Variants in TP53I11 observed in about 807,000 individuals in gnomAD.
TP53I11 encodes tumor protein p53 inducible protein 11.
TP53I11 carries 9 observed loss-of-function variants against 23.3 expected under a neutral mutation model. The observed-to-expected ratio is 0.39, with a 90% CI of 0.23 to 0.67. The LOEUF (loss-of-function observed/expected upper bound fraction) is 0.67. Ranked by LOEUF, TP53I11 falls within the 30% of genes least tolerant of loss-of-function variation. The pLI is 0.48. For synonymous variants in TP53I11, 100 were observed against 106.1 expected, an observed-to-expected ratio of 0.94 and a Z score of 0.35; for missense variants, 170 against 255.2, an observed-to-expected ratio of 0.67 and a Z score of 2.27.
chr11:44,935,988 G>A, intron 5 of TP53I11: 1 of 424,196 alleles, frequency 2.4e-6, no homozygotes. Flanking sequence ...GTCCGGTTCT[G>A]TCAGGAGGAT....
Position 44,934,749 on chromosome 11 carries a change from C to G in TP53I11, c.*135G>C. The G allele has an allele frequency of 7.8e-7, 1 of 1,285,808 alleles. No homozygotes were observed. The allele number at this position is 1,285,808 out of a possible 1,614,324, so 79.6% of individuals were successfully genotyped here. The stretch of plus-strand genomic sequence containing the variant: ...GGGTGCCCAGGAGGAAAGGAAGGCC[C>G]CCCACCCCCTGCCTCCCTGGGGCAG... On this transcript the variant is annotated 3_prime_UTR_variant, in exon 7 of 7. Transcript: ENST00000525680.
At chr11:44,939,423 C>T (rs1861532206) in intron 1 of TP53I11, 1 of 152,274 alleles carries the variant, frequency 6.6e-6, no homozygotes, top group South Asian at 2.1e-4. Flanking sequence ...CTTGCACCCA[C>T]CCTCTGGCAA....
intron 1 of TP53I11, among the ~76,000 whole-genome samples, chr11:44,942,100 C>T (rs1362321633): frequency 7.0e-6 from 1 of 142,692 alleles, no homozygotes; most frequent in African/African-American, 2.7e-5. Context: ...ACACACACCA[C>T]ACAATACGTG....
intron 3 of TP53I11, 37 bp from the exon 4 acceptor site, chr11:44,937,389 A>G (rs1861268438): frequency 6.8e-7 from 1 of 1,476,196 alleles, no homozygotes; most frequent in Admixed American, 2.5e-5. Context: ...GCCCTGCCCC[A>G]GGGGACCCTC....
chr11:44,942,423 A>T (rs12222045), intron 1 of TP53I11, among the ~76,000 whole-genome samples: 1 of 140,544 alleles, frequency 7.1e-6, no homozygotes, highest in Non-Finnish European at 1.5e-5. Flanking sequence ...CCACACACAC[A>T]CACCATACAC....
chr11:44,950,454 G>A (rs1209774301), intron 1 of TP53I11, among the ~76,000 whole-genome samples: 2 of 152,100 alleles, frequency 1.3e-5, no homozygotes, highest in African/African-American at 4.8e-5. Flanking sequence ...AAGGGGCTGC[G>A]GGACGGCGCC....
intron 1 of TP53I11, chr11:44,947,025 T>C (rs1039139800): frequency 1.1e-5 from 5 of 456,288 alleles, no homozygotes; most frequent in Admixed American, 2.3e-5. Context: ...GGGACAAATA[T>C]GAACATTCCT....
rs200100426 is a variant in TP53I11 at position 44,932,489 on chromosome 11, C to CTGA, written c.*2392_*2394dup. The CTGA allele has an allele frequency of 0.014, 2,136 of 152,484 alleles. 19 individuals are homozygous for CTGA. Among genetic ancestry groups the CTGA allele is most frequent in the Non-Finnish European group, 0.021 (1,425 of 68,126 alleles). The allele number at this position is 152,484 out of a possible 1,614,324, so 9.4% of individuals were successfully genotyped here. A position where few individuals can be genotyped will look rare whatever the true frequency, so the allele number is the denominator to read the frequency against. On this transcript the variant is annotated 3_prime_UTR_variant, in exon 7 of 7. Transcript: ENST00000525680. The stretch of plus-strand genomic sequence containing the variant: ...GAGGCAGAAGCTTGACAAGAGGCTG[C>CTGA]TGATGGCTGGAGGGAGCTGGGAGAA...
intron 1 of TP53I11, among the ~76,000 whole-genome samples, chr11:44,944,179 G>C (rs146559399): frequency 3.9e-5 from 6 of 152,148 alleles, no homozygotes; most frequent in Non-Finnish European, 5.9e-5. Context: ...ACCTGGCAGT[G>C]GGGGGTCTGG....
In TP53I11 at chr11:44,934,756, C is replaced by A; in HGVS notation, c.*128G>T. The A allele has an allele frequency of 7.5e-7, 1 of 1,339,540 alleles. No homozygotes were observed. The allele number at this position is 1,339,540 out of a possible 1,614,324, so 83.0% of individuals were successfully genotyped here. On this transcript the variant is annotated 3_prime_UTR_variant, in exon 7 of 7. Coordinates refer to ENST00000525680, the MANE Select transcript of TP53I11 (RefSeq NM_006034.5). The stretch of plus-strand genomic sequence containing the variant: ...CAGGAGGAAAGGAAGGCCCCCCACC[C>A]CCTGCCTCCCTGGGGCAGGACTGGG...
intron 1 of TP53I11, among the ~76,000 whole-genome samples, chr11:44,938,744 T>C (rs835994): frequency 0.11 from 16,862 of 151,794 alleles, 1,475 homozygotes; most frequent in African/African-American, 0.24. Flanking sequence ...GCAAATGAGG[T>C]TTAGAAAAGG....
chr11:44,943,346 G>T (rs1188615721), intron 1 of TP53I11, among the ~76,000 whole-genome samples: 4 of 152,100 alleles, frequency 2.6e-5, no homozygotes, highest in Non-Finnish European at 5.9e-5. Context: ...GGCCCCCGGG[G>T]GTTTCCCCCA....
Position 44,936,622 on chromosome 11 carries a change from A to G in TP53I11, c.334+181T>C. On this transcript the variant is annotated intron_variant, in intron 5 of 6. Transcript: ENST00000525680. This position sits in a 1 kb window ranked among gnomAD's most constrained non-coding sequence, Gnocchi z 4.4. ...CCAACCCACTGGGTGTATTCCACCA[A>G]TGGCCACAAGATGGCAGCACATCCC... The G allele has an allele frequency of 1.5e-6, 2 of 1,337,610 alleles. No individual in the cohort carries two copies. The highest frequency in any genetic ancestry group is 1.9e-6 in the Non-Finnish European group (2 of 1,044,638). The allele number at this position is 1,337,610 out of a possible 1,614,324, so 82.9% of individuals were successfully genotyped here.
chr11:44,947,566 G>C (rs573032695), intron 1 of TP53I11, among the ~76,000 whole-genome samples: 5 of 152,194 alleles, frequency 3.3e-5, no homozygotes, highest in Non-Finnish European at 7.3e-5. Context: ...TTGTCTTCTG[G>C]GTGAGTTGGG....
chr11:44,933,426 T>A lies in TP53I11; in HGVS notation c.*1458A>T, dbSNP rs539253207. 6.6e-6 allele frequency: 1 copy of A among 151,298 alleles called. No homozygotes were observed. The highest frequency in any genetic ancestry group is 2.1e-4 in the South Asian group (1 of 4,856). 9.4% of individuals were successfully genotyped at this position (151,298 alleles called of 1,614,324 possible). The stretch of plus-strand genomic sequence containing the variant: ...AGTCTGAGGCCTGGGGCTGCTTTTC[T>A]CCCTACACCTGTCCCCAGGGCTTGG... On this transcript the variant is annotated 3_prime_UTR_variant, in exon 7 of 7. Coordinates refer to ENST00000525680, the MANE Select transcript of TP53I11 (RefSeq NM_006034.5).
intron 1 of TP53I11, among the ~76,000 whole-genome samples, chr11:44,945,553 C>T (rs1862304743): frequency 1.3e-5 from 2 of 152,024 alleles, no homozygotes; most frequent in South Asian, 4.1e-4. Context: ...ATGGCAACTC[C>T]CCCGGAAAGT....
chr11:44,942,327 CAT>C (rs1861935568), intron 1 of TP53I11, among the ~76,000 whole-genome samples: 2 of 146,804 alleles, frequency 1.4e-5, no homozygotes, highest in Admixed American at 1.4e-4. Flanking sequence ...CATTACACAC[CAT>C]AGACACCACA....
At chr11:44,939,908 A>G (rs766231895) in intron 1 of TP53I11, among the ~76,000 whole-genome samples, 132 of 152,316 alleles carry the variant, frequency 8.7e-4, no homozygotes, top group Non-Finnish European at 1.6e-3. Context: ...GGCGGGTGGT[A>G]ACTGTGACGG....
In TP53I11 at chr11:44,933,003, T is replaced by A. The variant is rs1165449674; in HGVS notation, c.*1881A>T. 6.7e-6 allele frequency: 1 copy of A among 149,850 alleles called. No homozygotes were observed. The highest frequency in any genetic ancestry group is 6.7e-5 in the Admixed American group (1 of 14,968). 9.3% of individuals were successfully genotyped at this position (149,850 alleles called of 1,614,324 possible). A position where few individuals can be genotyped will look rare whatever the true frequency, so the allele number is the denominator to read the frequency against. On this transcript the variant is annotated 3_prime_UTR_variant, in exon 7 of 7. Transcript: ENST00000525680. ...GATTGAGGCTTCGGCCTGAGGGCACTGCCCATTGGCGGCACCACCTGTGGG... is the reference window on the plus strand; with the variant it reads ...GATTGAGGCTTCGGCCTGAGGGCACAGCCCATTGGCGGCACCACCTGTGGG...
Sources: allele counts gnomAD v4.1 joint callset (sites outside exome capture counted in the v4.1 genomes callset), GRCh38; gene constraint gnomAD v4.1.1; non-coding constraint Gnocchi (gnomAD v3.1); transcripts MANE v1.5; gene names NCBI Gene and HGNC (gene_info 2026-07-23, HGNC 2026-07-21).